The following SLCO5A1 variants were observed in gnomAD, a reference collection of about 807,000 sequenced individuals.
SLCO5A1 encodes solute carrier organic anion transporter family member 5A1.
SLCO5A1 carries 39 observed loss-of-function variants against 65.1 expected under a neutral mutation model. The observed-to-expected ratio is 0.60, with a 90% CI of 0.46 to 0.78. SLCO5A1 has a LOEUF of 0.78. SLCO5A1 is among the 30% of genes least tolerant of loss of function. The pLI, the probability that SLCO5A1 is intolerant of heterozygous loss-of-function variation, is 0.00. For missense variants in SLCO5A1, 1,029 were observed against 1,069.4 expected (o/e 0.96, Z 0.53); for synonymous variants, 438 against 415.7 (o/e 1.05, Z -0.65).
intron 2 of SLCO5A1, among the ~76,000 whole-genome samples, chr8:69,823,566 G>A (rs1433965076): frequency 1.3e-5 from 2 of 152,158 alleles, no homozygotes; most frequent in African/African-American, 4.8e-5. Flanking sequence ...AATTCAACAA[G>A]AAGAGCTCAC....
At chr8:69,749,945 T>A (rs1817216307) in intron 4 of SLCO5A1, among the ~76,000 whole-genome samples, 1 of 152,038 alleles carries the variant, frequency 6.6e-6, no homozygotes, top group South Asian at 2.1e-4. Context: ...AGGGGCCACG[T>A]GAGAAGTGCA....
chr8:69,797,345 A>G (rs1241503473), intron 2 of SLCO5A1, among the ~76,000 whole-genome samples: 1 of 152,180 alleles, frequency 6.6e-6, no homozygotes, highest in African/African-American at 2.4e-5. Context: ...GGACCCTATG[A>G]TGATTGCGTT....
At position 69,705,218 on chromosome 8, in the gene SLCO5A1, C is replaced by A; in HGVS notation, c.1435G>T (p.Val479Phe). ...ACAATACCAACACCAGCACTGGGGA[C>A]GATAATAACCCCTGGGGAGAAGAGA... ...NASIYTGVII[V>F]PSAGVGIVLG... The change falls in exon 6 of 10, where the codon GTC becomes TTC. Residue 479 changes from valine to phenylalanine, a missense_variant. By Grantham distance (50) the Val-to-Phe change is conservative (BLOSUM62 -1). This residue lies in a region of SLCO5A1 where 647 missense variants were observed against 647.5 expected (regional missense o/e 1.00). Coordinates refer to ENST00000260126, the MANE Select transcript of SLCO5A1 (RefSeq NM_030958.3). The A allele has an allele frequency of 6.2e-7, 1 of 1,613,860 alleles. No homozygotes were observed. The highest frequency in any genetic ancestry group is 8.5e-7 in the Non-Finnish European group (1 of 1,179,920).
chr8:69,761,656 A>G (rs1817781110), intron 3 of SLCO5A1, 87 bp downstream of exon 3: 1 of 1,464,938 alleles, frequency 6.8e-7, no homozygotes, highest in Non-Finnish European at 9.2e-7. Context: ...TTGTCTCCCC[A>G]TTGGAAAAAT....
At chr8:69,799,443 T>A (rs753673223) in intron 2 of SLCO5A1, among the ~76,000 whole-genome samples, 1 of 152,188 alleles carries the variant, frequency 6.6e-6, no homozygotes, top group Non-Finnish European at 1.5e-5. Flanking sequence ...AACTACCTTA[T>A]ATTAATTACA....
rs896905747 is a variant in SLCO5A1 at position 69,833,152 on chromosome 8, G to C, written c.-479C>G. The C allele has an allele frequency of 6.2e-6, 1 of 161,756 alleles. No homozygotes were observed. Among genetic ancestry groups the C allele is most frequent in the Non-Finnish European group, 1.3e-5 (1 of 74,748 alleles). 10.0% of individuals were successfully genotyped at this position (161,756 alleles called of 1,614,324 possible). On this transcript the variant is annotated 5_prime_UTR_variant, in exon 2 of 10. Transcript: ENST00000260126. ...CGCCGCCTGGGCTCGCGGCACCCTC[G>C]GGAGTGAAGCTGCCGACCTGCAAAG...
chr8:69,717,480 C>T lies in SLCO5A1; in HGVS notation c.1424-12251G>A, dbSNP rs1349389928. 2.6e-5 allele frequency among the ~76,000 whole-genome samples: 4 copies of T among 152,222 alleles called. 1 individual carries two copies. In the East Asian group the frequency reaches 5.8e-4, roughly 22 times the overall value. On this transcript the variant is annotated intron_variant, in intron 5 of 9. Transcript: ENST00000260126. ...TTTTGTCTGCTTTAATCCCACACCACACTGTCTTGATTACTGTTACTTTTC... is the reference window on the plus strand; with the variant it reads ...TTTTGTCTGCTTTAATCCCACACCATACTGTCTTGATTACTGTTACTTTTC...
intron 2 of SLCO5A1, among the ~76,000 whole-genome samples, chr8:69,769,583 A>G (rs1363857155): frequency 6.6e-6 from 1 of 152,230 alleles, no homozygotes. Context: ...ATTCTCTAAT[A>G]ACTATTATTA....
chr8:69,750,476 C>T (rs901742997), intron 4 of SLCO5A1, among the ~76,000 whole-genome samples: 1 of 152,114 alleles, frequency 6.6e-6, no homozygotes, highest in East Asian at 1.9e-4. Flanking sequence ...AGAACTCACG[C>T]TCTCCACCAT....
At chr8:69,711,773 G>A (rs1181805832) in intron 5 of SLCO5A1, among the ~76,000 whole-genome samples, 1 of 152,196 alleles carries the variant, frequency 6.6e-6, no homozygotes, top group Non-Finnish European at 1.5e-5. Context: ...ATTCTTCATA[G>A]GATTGTTAGG....
intron 2 of SLCO5A1, among the ~76,000 whole-genome samples, chr8:69,770,298 A>G (rs945697335): frequency 2.0e-5 from 3 of 152,184 alleles, no homozygotes; most frequent in African/African-American, 7.2e-5. Context: ...TATATGCTGC[A>G]AAGAACCAGA....
intron 2 of SLCO5A1, among the ~76,000 whole-genome samples, chr8:69,786,631 T>C (rs1008964563): frequency 6.6e-6 from 1 of 152,216 alleles, no homozygotes; most frequent in East Asian, 1.9e-4. Flanking sequence ...GATCTTTTCA[T>C]GATTTGGCAA....
At chr8:69,757,243 G>A (rs755094753) in intron 3 of SLCO5A1, among the ~76,000 whole-genome samples, 5 of 152,008 alleles carry the variant, frequency 3.3e-5, no homozygotes, top group East Asian at 1.9e-4. Flanking sequence ...AAGTTTGTTC[G>A]GGGCAGACTT....
chr8:69,691,142 C>A (rs1349487435), intron 6 of SLCO5A1, among the ~76,000 whole-genome samples: 1 of 152,066 alleles, frequency 6.6e-6, no homozygotes, highest in Non-Finnish European at 1.5e-5. Context: ...GATTAGGACA[C>A]ACCTGTATGA....
chr8:69,715,962 T>C (rs1815506014), intron 5 of SLCO5A1, among the ~76,000 whole-genome samples: 1 of 152,104 alleles, frequency 6.6e-6, no homozygotes, highest in Non-Finnish European at 1.5e-5. Flanking sequence ...CCACACCCAT[T>C]AGCTATCACA....
intron 2 of SLCO5A1, among the ~76,000 whole-genome samples, chr8:69,814,523 G>A (rs1820328349): frequency 6.6e-6 from 1 of 152,172 alleles, no homozygotes; most frequent in Non-Finnish European, 1.5e-5. Context: ...TGATGAGGAT[G>A]TGGAGAAAGG....
chr8:69,699,476 A>G (rs1410707580), intron 6 of SLCO5A1, among the ~76,000 whole-genome samples: 1 of 152,152 alleles, frequency 6.6e-6, no homozygotes, highest in Admixed American at 6.6e-5. Context: ...GGGTTCTGAC[A>G]CTGCAGCACC....
intron 2 of SLCO5A1, among the ~76,000 whole-genome samples, 177 bp downstream of exon 2, chr8:69,831,590 T>C: frequency 6.6e-6 from 1 of 152,242 alleles, no homozygotes; most frequent in Middle Eastern, 3.2e-3. Context: ...AACTCTCAAC[T>C]AATTGATTCT....
intron 3 of SLCO5A1, among the ~76,000 whole-genome samples, chr8:69,758,627 A>C (rs1174439439): frequency 6.6e-6 from 1 of 152,172 alleles, no homozygotes; most frequent in African/African-American, 2.4e-5. Flanking sequence ...GCAAATAAAC[A>C]AAAAAATACA....
Sources: gnomAD v4.1 joint callset for allele counts (sites outside exome capture counted in the v4.1 genomes callset) on GRCh38, gnomAD v4.1.1 for gene constraint, gnomAD v4.1.1 regional missense constraint, MANE v1.5 for transcripts, NCBI Gene and HGNC (gene_info 2026-07-23, HGNC 2026-07-21) for gene names.